Variants in NRG1 observed in about 807,000 individuals in gnomAD.
The protein encoded by NRG1 is pro-neuregulin-1, membrane-bound isoform.
Under a neutral mutation model 63.8 loss-of-function variants are expected in NRG1, and 18 were observed. The observed-to-expected ratio is 0.28, with a 90% CI of 0.19 to 0.42. The LOEUF (loss-of-function observed/expected upper bound fraction) is 0.42, where lower values mean the gene tolerates loss of function less well. Ranked by LOEUF, NRG1 falls within the 10% of genes least tolerant of loss-of-function variation. The probability of loss-of-function intolerance (pLI) is 1.00; values close to 1 mark genes in which losing one functional copy is unlikely to be tolerated. For synonymous variants in NRG1, 302 were observed against 301.3 expected (o/e 1.00, Z -0.02); for missense variants, 762 against 814.7 (o/e 0.94, Z 0.79).
intron 1 of NRG1, among the ~76,000 whole-genome samples, chr8:32,514,573 A>G (rs570357337): frequency 1.8e-4 from 28 of 152,316 alleles, no homozygotes; most frequent in African/African-American, 6.7e-4. Flanking sequence ...TTATTGCCAC[A>G]TGAACTGGAT....
At chr8:32,678,622 T>G (rs1807805055) in intron 5 of NRG1, among the ~76,000 whole-genome samples, 1 of 152,212 alleles carries the variant, frequency 6.6e-6, no homozygotes, top group African/African-American at 2.4e-5. Context: ...TAAGCTCCTG[T>G]CTCGATCAAT....
intron 1 of NRG1, among the ~76,000 whole-genome samples, chr8:32,278,851 T>C (rs1335163965): frequency 6.6e-6 from 1 of 152,190 alleles, no homozygotes; most frequent in African/African-American, 2.4e-5. Flanking sequence ...CACCCACCAC[T>C]GTGCAGGTGG....
Position 32,507,617 on chromosome 8 carries a change from T to C in NRG1, c.38-88211T>C, listed in dbSNP as rs367674187. ...ATAATGCAACAGTCCCATTAAAGAG[T>C]AACATGAGGTGCCCTTATATACTTT... is the stretch of plus-strand genomic sequence containing the variant. On this transcript the variant is annotated intron_variant, in intron 1 of 10. Coordinates refer to the NRG1 transcript ENST00000519301. 2.6e-5 allele frequency among the ~76,000 whole-genome samples: 4 copies of C among 152,190 alleles called. No individual in the cohort carries two copies. In the East Asian group the frequency reaches 7.7e-4, roughly 29 times the overall value.
intron 1 of NRG1, among the ~76,000 whole-genome samples, chr8:31,659,284 AG>A (rs1312052728): frequency 6.6e-6 from 1 of 152,162 alleles, no homozygotes; most frequent in Admixed American, 6.5e-5. Flanking sequence ...AGATGGAGAA[AG>A]AAAAAAAACA....
intron 1 of NRG1, among the ~76,000 whole-genome samples, chr8:31,914,556 A>G (rs1415112997): frequency 6.6e-6 from 1 of 152,062 alleles, no homozygotes; most frequent in African/African-American, 2.4e-5. Context: ...CTTTTAATCC[A>G]TCGTAGATCT....
At chr8:31,769,424 G>A (rs572290037) in intron 1 of NRG1, among the ~76,000 whole-genome samples, 5 of 152,288 alleles carry the variant, frequency 3.3e-5, no homozygotes, top group South Asian at 2.1e-4. Flanking sequence ...GGTCTCTGCC[G>A]CAGCTTGTCC....
chr8:32,535,515 GA>G (rs1255061658), intron 1 of NRG1, among the ~76,000 whole-genome samples: 1 of 151,978 alleles, frequency 6.6e-6, no homozygotes, highest in Non-Finnish European at 1.5e-5. Flanking sequence ...TCTAAAAATA[GA>G]AAAAAAGCCA....
intron 1 of NRG1, among the ~76,000 whole-genome samples, chr8:31,982,272 A>G (rs779884876): frequency 1.3e-5 from 2 of 152,098 alleles, no homozygotes; most frequent in Admixed American, 1.3e-4. Context: ...TTCTTAGATC[A>G]TTCTTGCTAA....
chr8:32,548,173 C>T, upstream of NRG1: 1 of 965,928 alleles, frequency 1.0e-6, no homozygotes. Context: ...GTGTCCGCGC[C>T]TCGGGGTGGG....
At chr8:32,384,252 T>TATAA (rs1339235306) in intron 1 of NRG1, among the ~76,000 whole-genome samples, 4 of 151,850 alleles carry the variant, frequency 2.6e-5, no homozygotes, top group African/African-American at 7.3e-5. Context: ...ACAATAATAT[T>TATAA]ATAAATAAAT....
chr8:32,604,915 T>G (rs981604016), intron 2 of NRG1, among the ~76,000 whole-genome samples: 2 of 152,200 alleles, frequency 1.3e-5, no homozygotes, highest in Admixed American at 1.3e-4. Context: ...ATTCAGAGTT[T>G]TATAAAACTA....
At chr8:31,639,414 G>C in exon 1 of NRG1, 1 of 1,534,814 alleles carries the variant, frequency 6.5e-7, no homozygotes, top group Non-Finnish European at 8.7e-7. Context: ...GGACGCGCGG[G>C]CCGAGTTGGC....
intron 5 of NRG1, among the ~76,000 whole-genome samples, chr8:32,636,758 A>G (rs569885608): frequency 1.3e-5 from 2 of 152,304 alleles, no homozygotes; most frequent in East Asian, 1.9e-4. Context: ...ATAGCAATTA[A>G]TGGTTGCCAT....
chr8:32,123,620 T>C (rs1248868471), intron 1 of NRG1, among the ~76,000 whole-genome samples: 16 of 148,670 alleles, frequency 1.1e-4, no homozygotes, highest in Admixed American at 2.0e-4. Flanking sequence ...ATAAAAATAT[T>C]CATTGTGCAT....
intron 1 of NRG1, among the ~76,000 whole-genome samples, chr8:32,250,103 A>C (rs1334843777): frequency 2.0e-5 from 3 of 152,070 alleles, no homozygotes; most frequent in Non-Finnish European, 4.4e-5. Flanking sequence ...GGCTCAGGTA[A>C]GATTGAATAT....
intron 1 of NRG1, among the ~76,000 whole-genome samples, chr8:32,054,017 GATATA>G (rs1286882531): frequency 1.3e-5 from 2 of 152,164 alleles, no homozygotes; most frequent in African/African-American, 2.4e-5. Context: ...GTTAAAATGT[GATATA>G]ATGTAATGGC....
intron 1 of NRG1, among the ~76,000 whole-genome samples, chr8:32,365,495 T>G (rs1326628495): frequency 6.6e-6 from 1 of 152,210 alleles, no homozygotes; most frequent in East Asian, 1.9e-4. Context: ...CCTATACTTT[T>G]ATGGGTTCTT....
At chr8:31,763,503 TA>T (rs1817753750) in intron 1 of NRG1, among the ~76,000 whole-genome samples, 1 of 152,198 alleles carries the variant, frequency 6.6e-6, no homozygotes, top group African/African-American at 2.4e-5. Flanking sequence ...TTTCCATGTT[TA>T]AAAACTTTCA....
intron 1 of NRG1, among the ~76,000 whole-genome samples, chr8:32,513,175 GTGT>G (rs1469438688): frequency 2.3e-5 from 3 of 131,864 alleles, no homozygotes; most frequent in Admixed American, 7.9e-5. Flanking sequence ...AAGCTGGTGT[GTGT>G]GTGTGTGTGT....
Sources: gnomAD v4.1 joint callset for allele counts (sites outside exome capture counted in the v4.1 genomes callset) on GRCh38, gnomAD v4.1.1 for gene constraint, MANE v1.5 for transcripts, NCBI Gene and HGNC (gene_info 2026-07-23, HGNC 2026-07-21) for gene names.